The following TRIO variants were observed in gnomAD, a reference collection of about 807,000 sequenced individuals.
TRIO encodes trio Rho guanine nucleotide exchange factor.
A neutral mutation model predicts 351.9 loss-of-function variants in TRIO; 58 were observed. That is an observed-to-expected ratio of 0.16 (90% CI 0.13 to 0.21). The LOEUF is 0.21. Among genes scored for constraint, TRIO ranks in the 10% least tolerant of loss-of-function variants. TRIO has a pLI of 1.00. For synonymous variants in TRIO, 1,758 were observed against 1,595.7 expected, an observed-to-expected ratio of 1.10 and a Z score of -2.42; for missense variants, 3,201 against 4,027.8, an observed-to-expected ratio of 0.79 and a Z score of 5.56.
intron 1 of TRIO, among the ~76,000 whole-genome samples, chr5:14,238,416 A>C (rs1793918412): frequency 6.6e-6 from 1 of 152,202 alleles, no homozygotes; most frequent in Admixed American, 6.5e-5. Context: ...GAAGCCAAGT[A>C]TCTGCTGTCC....
Position 14,487,861 on chromosome 5 carries a change from G to C in TRIO, c.7233G>C (p.Lys2411Asn). 6.5e-7 allele frequency: 1 copy of C among 1,533,130 alleles called. No homozygotes were observed. The highest frequency in any genetic ancestry group is 8.8e-7 in the Non-Finnish European group (1 of 1,139,864). 95.0% of individuals were successfully genotyped at this position (1,533,130 alleles called of 1,614,324 possible). Residue 2411 changes from lysine (K) to asparagine (N), a missense_variant, in exon 48 of 57, where the codon AAG (lysine) becomes AAC (asparagine). This residue lies in a region of TRIO where 1,089 missense variants were observed against 954.9 expected (regional missense o/e 1.14). Transcript: ENST00000344204. Reference sequence around the variant, plus strand: ...AGCGAGAAGCGGAGCCGATCCCCAAGATGAAGGTGCTGGAGAGCCCCAGGA... The same window carrying C: ...AGCGAGAAGCGGAGCCGATCCCCAACATGAAGGTGCTGGAGAGCCCCAGGA... ...GSEREAEPIP[K>N]MKVLESPRKG... is the part of the protein sequence containing the mutation.
chr5:14,250,674 T>C (rs1581446827), intron 1 of TRIO, among the ~76,000 whole-genome samples: 1 of 152,346 alleles, frequency 6.6e-6, no homozygotes, highest in East Asian at 1.9e-4. Context: ...GAGGCTGTAC[T>C]GTGTTCAGCT....
chr5:14,466,757 A>G (rs1272946846), intron 37 of TRIO, among the ~76,000 whole-genome samples: 1 of 152,186 alleles, frequency 6.6e-6, no homozygotes, highest in African/African-American at 2.4e-5. Flanking sequence ...GCAAACATAT[A>G]TATGTGTGTG....
chr5:14,183,445 G>C (rs1314968608), intron 1 of TRIO, among the ~76,000 whole-genome samples: 2 of 151,920 alleles, frequency 1.3e-5, no homozygotes. Context: ...GCTTAAAAGG[G>C]ATCAGTTTGT....
chr5:14,284,874 C>A (rs1736306958), intron 3 of TRIO, among the ~76,000 whole-genome samples: 2 of 152,190 alleles, frequency 1.3e-5, no homozygotes, highest in Admixed American at 1.3e-4. Context: ...CCTTACTGGG[C>A]AGCAGGCTTC....
intron 1 of TRIO, among the ~76,000 whole-genome samples, chr5:14,216,497 A>G (rs527672937): frequency 1.2e-4 from 18 of 152,344 alleles, no homozygotes; most frequent in African/African-American, 2.9e-4. Flanking sequence ...TGCATGTCCA[A>G]TCATTCCAAA....
rs1271334003 is a variant in TRIO, at chr5:14,498,095, C to T, written c.8054C>T (p.Pro2685Leu). ...LNPNYIYDVPPEFVIPLSEVT... is the reference protein window; with the variant it reads ...LNPNYIYDVPLEFVIPLSEVT... ...CGACTCCTTTCCCATGCAGTTCCCC[C>T]AGAATTCGTCATTCCATTGAGTGAG... Residue 2685 changes from proline to leucine, a missense_variant, in exon 52 of 57, where the codon CCA (proline) becomes CTA (leucine). Physicochemically the swap from Pro to Leu is moderately conservative, Grantham distance 98. This residue lies in a region of TRIO where 1,089 missense variants were observed against 954.9 expected (regional missense o/e 1.14). Coordinates refer to ENST00000344204, the MANE Select transcript of TRIO (RefSeq NM_007118.4). The T allele has an allele frequency of 6.2e-7, 1 of 1,614,140 alleles. No homozygotes were observed. The highest frequency in any genetic ancestry group is 1.1e-5 in the South Asian group (1 of 91,078).
chr5:14,263,506 G>C (rs1795477240), intron 1 of TRIO, among the ~76,000 whole-genome samples: 1 of 152,200 alleles, frequency 6.6e-6, no homozygotes, highest in Non-Finnish European at 1.5e-5. Context: ...CTGAAGAAGA[G>C]TAAGAGTGTT....
intron 1 of TRIO, among the ~76,000 whole-genome samples, chr5:14,249,440 C>G (rs1581444015): frequency 6.6e-6 from 1 of 152,162 alleles, no homozygotes. Context: ...TGAAAGATAG[C>G]TGAACTTTCT....
At chr5:14,453,459 G>A (rs1752996979) in intron 34 of TRIO, among the ~76,000 whole-genome samples, 1 of 152,178 alleles carries the variant, frequency 6.6e-6, no homozygotes, top group Non-Finnish European at 1.5e-5. Context: ...CTCATTTTCT[G>A]GGTACTCACA....
At chr5:14,197,353 C>A (rs1361971475) in intron 1 of TRIO, among the ~76,000 whole-genome samples, 3 of 152,206 alleles carry the variant, frequency 2.0e-5, no homozygotes, top group Non-Finnish European at 4.4e-5. Flanking sequence ...GTCGCAGAGC[C>A]TTTCTCACAG....
chr5:14,307,868 C>T (rs2152298504), intron 8 of TRIO, among the ~76,000 whole-genome samples: 1 of 152,206 alleles, frequency 6.6e-6, no homozygotes, highest in South Asian at 2.1e-4. Flanking sequence ...GCTGTATTTC[C>T]TTTCTCTTTT....
chr5:14,153,532 A>G (rs1030312340), intron 1 of TRIO, among the ~76,000 whole-genome samples: 2 of 152,142 alleles, frequency 1.3e-5, no homozygotes, highest in African/African-American at 4.8e-5. Flanking sequence ...TTTACCATCC[A>G]AGGGCCTGTA....
chr5:14,481,593 A>G lies in TRIO; in HGVS notation c.6440A>G (p.Asn2147Ser). 6.2e-7 allele frequency: 1 copy of G among 1,614,012 alleles called. No individual in the cohort carries two copies. The highest frequency in any genetic ancestry group is 8.5e-7 in the Non-Finnish European group (1 of 1,179,988). ...CCCAGGCGGTGCAACGACATGATGAACGTGGGGCGGCTGCAAGGATTCGAC... is the reference window on the plus strand; with the variant it reads ...CCCAGGCGGTGCAACGACATGATGAGCGTGGGGCGGCTGCAAGGATTCGAC... ...IVPRRCNDMM[N>S]VGRLQGFDGK... The change falls in exon 45 of 57, where the codon AAC (asparagine) becomes AGC (serine). Residue 2147 changes from asparagine (N) to serine (S), a missense_variant. Physicochemically the swap from Asn to Ser is conservative, Grantham distance 46 (BLOSUM62 1). Around this residue, in one of 19 missense-constraint regions of TRIO, gnomAD observed 307 missense variants for 396.5 expected, o/e 0.77. Coordinates refer to ENST00000344204, the MANE Select transcript of TRIO (RefSeq NM_007118.4).
Position 14,397,166 on chromosome 5 carries a change from T to A in TRIO, c.4423+12T>A. 2.5e-6 allele frequency: 4 copies of A among 1,590,416 alleles called. No homozygotes were observed. Among genetic ancestry groups the A allele is most frequent in the Non-Finnish European group, 3.4e-6 (4 of 1,167,710 alleles). Reference sequence around the variant, plus strand: ...CAGCATGCTGGAAGGTAAAGGACCCTCCATACCCCAGTGTGCATCTATGCA... The same window carrying A: ...CAGCATGCTGGAAGGTAAAGGACCCACCATACCCCAGTGTGCATCTATGCA... On this transcript the variant is annotated intron_variant, in intron 29 of 56. Coordinates refer to ENST00000344204, the MANE Select transcript of TRIO (RefSeq NM_007118.4).
At chr5:14,471,010 G>T (rs973209489) in intron 37 of TRIO, among the ~76,000 whole-genome samples, 1 of 152,154 alleles carries the variant, frequency 6.6e-6, no homozygotes, top group African/African-American at 2.4e-5. Context: ...CCAAAAATGG[G>T]TGCAGTACTC....
At position 14,379,210 on chromosome 5, in the gene TRIO, G is replaced by T. The variant is rs555315253; in HGVS notation, c.3447+1083G>T. On this transcript the variant is annotated intron_variant, in intron 20 of 56. Transcript: ENST00000344204. ...GGGCAATTCTGTGATGACAGTTGGT[G>T]TTGACCCACATTCTGACCACGACAC... Among the ~76,000 whole-genome samples, 7 of 152,308 alleles carry T rather than the reference G, an allele frequency of 4.6e-5. No homozygotes were observed. The South Asian group carries it at 1.5e-3, about 32-fold the overall frequency.
chr5:14,176,287 C>T (rs1016770392), intron 1 of TRIO, among the ~76,000 whole-genome samples: 2 of 152,114 alleles, frequency 1.3e-5, no homozygotes, highest in South Asian at 2.1e-4. Flanking sequence ...CTGGCTAACA[C>T]GGTGAAACCC....
At position 14,481,618 on chromosome 5, in the gene TRIO, C is replaced by T. The variant is rs187902032; in HGVS notation, c.6465C>T (p.Asp2155=). 2.2e-5 allele frequency: 36 copies of T among 1,614,114 alleles called. No homozygotes were observed. The East Asian group carries it at 6.0e-4, about 27-fold the overall frequency. Residue 2155 remains aspartate, a splice_region_variant and synonymous_variant, in exon 45 of 57, where the codon GAC becomes GAT. Coordinates refer to ENST00000344204, the MANE Select transcript of TRIO (RefSeq NM_007118.4). The part of the protein sequence containing the change: ...MMNVGRLQGF[D]GKIVAQGKLL... ...ACGTGGGGCGGCTGCAAGGATTCGA[C>T]GTAATGCGGCTCTTGTTTTTTAAGA...
Sources: allele counts gnomAD v4.1 joint callset (sites outside exome capture counted in the v4.1 genomes callset), GRCh38; gene constraint gnomAD v4.1.1; regional missense constraint gnomAD v4.1.1; transcripts MANE v1.5; gene names NCBI Gene and HGNC (gene_info 2026-07-23, HGNC 2026-07-21).